The following SUV39H1 variants were observed in gnomAD, a reference collection of about 807,000 sequenced individuals.
The protein encoded by SUV39H1 is SUV39H1 histone lysine methyltransferase.
For missense variants in SUV39H1, 180 were observed against 386.3 expected, an observed-to-expected ratio of 0.47 and a Z score of 4.48; for synonymous variants, 141 against 150.5, an observed-to-expected ratio of 0.94 and a Z score of 0.46.
At chrX:48,700,971 A>C in intron 3 of SUV39H1, 1 of 483,246 alleles carries the variant, frequency 2.1e-6, no homozygotes, top group African/African-American at 2.3e-5. Context: ...GAACACCAAA[A>C]TACTTCTGCA....
At chrX:48,702,725 C>T (rs1392846686) in intron 3 of SUV39H1, among the ~76,000 whole-genome samples, 3 of 110,949 alleles carry the variant, frequency 2.7e-5, no homozygotes, top group Non-Finnish European at 5.7e-5. Context: ...GCTGCTCTTC[C>T]TTAGTGTCAG....
At chrX:48,696,323 G>A (rs1557008545), upstream of SUV39H1, among the ~76,000 whole-genome samples, 1 of 112,397 alleles carries the variant, frequency 8.9e-6, no homozygotes, top group Non-Finnish European at 1.9e-5. Flanking sequence ...AGTCTGACTA[G>A]GCACCTGTCT....
At position 48,698,953 on chromosome X, in the gene SUV39H1, G is replaced by A. The variant is rs1557009027; in HGVS notation, c.71G>A (p.Arg24His). 1.7e-6 allele frequency: 2 copies of A among 1,208,030 alleles called. No homozygotes were observed. Among genetic ancestry groups the A allele is most frequent in the African/African-American group, 1.8e-5 (1 of 57,066 alleles). ...TGGAATCAGCTGCAGGACCTGTGCC[G>A]CCTGGCCAAGCTCTCCTGCCCTGCC... The part of the protein sequence containing the change: ...SSWNQLQDLC[R>H]LAKLSCPALG... The change falls in exon 2 of 6, where the codon CGC (arginine) becomes CAC (histidine). Residue 24 changes from arginine (R) to histidine (H), a missense_variant. By Grantham distance (29) the Arg-to-His change is conservative (BLOSUM62 0). Coordinates refer to ENST00000376687, the MANE Select transcript of SUV39H1 (RefSeq NM_003173.4).
At chrX:48,695,593 G>A, upstream of SUV39H1, 1 of 1,082,904 alleles carries the variant, frequency 9.2e-7, no homozygotes, top group Non-Finnish European at 1.2e-6. Context: ...GCATGCTGGA[G>A]GGCCTGGCTG....
At chrX:48,696,684 C>A (rs1602183189), upstream of SUV39H1, 3 of 1,061,055 alleles carry the variant, frequency 2.8e-6, no homozygotes, top group African/African-American at 4.0e-5. Flanking sequence ...TGCTGCGAGT[C>A]GGGAGCCGCG....
rs141290793 is a variant in SUV39H1 at position 48,700,687 on chromosome X, T to C, written c.762T>C (p.Arg254=). 1,223 of 1,210,614 alleles carry C rather than the reference T, an allele frequency of 1.0e-3. 9 individuals carry two copies. The African/African-American group carries it at 0.018, about 18-fold the overall frequency. ...GCATCTTCCGCACGGATGATGGGCG[T>C]GGCTGGGGCGTCCGCACCCTGGAGA... ...DLCIFRTDDG[R]GWGVRTLEKI... The change falls in exon 3 of 6, where the codon CGT becomes CGC. Residue 254 remains arginine, a synonymous_variant. Transcript: ENST00000376687.
intron 2 of SUV39H1, among the ~76,000 whole-genome samples, chrX:48,699,844 G>A (rs782358005): frequency 1.8e-5 from 2 of 111,602 alleles, no homozygotes; most frequent in Non-Finnish European, 3.8e-5. Context: ...CCAAGGAGAG[G>A]AGTGGGTTTG....
chrX:48,695,790 T>C (rs1279285201), upstream of SUV39H1: 2 of 1,154,676 alleles, frequency 1.7e-6, no homozygotes, highest in Non-Finnish European at 2.3e-6. Context: ...AATCTCAGCT[T>C]CAACGCATCA....
chrX:48,699,582 A>C (rs1475928611), intron 2 of SUV39H1, among the ~76,000 whole-genome samples: 6 of 111,715 alleles, frequency 5.4e-5, no homozygotes, highest in Non-Finnish European at 1.1e-4. Context: ...CATCTACCTC[A>C]TGTGGGGTTG....
intron 3 of SUV39H1, among the ~76,000 whole-genome samples, chrX:48,702,990 A>C (rs1557009612): frequency 8.9e-6 from 1 of 112,002 alleles, no homozygotes; most frequent in East Asian, 2.8e-4. Flanking sequence ...TCCACTACTC[A>C]TCAGCAATCA....
chrX:48,697,949 G>A (rs1451423744), intron 1 of SUV39H1, among the ~76,000 whole-genome samples: 1 of 112,282 alleles, frequency 8.9e-6, no homozygotes, highest in Non-Finnish European at 1.9e-5. Context: ...ACCGCTTTGC[G>A]TATAAATTCA....
At chrX:48,696,878 GGGCCCCGGCGTCCGAGGCCCC>G (rs1414213226) in intron 1 of SUV39H1, 75 bp downstream of exon 1, 10 of 853,021 alleles carry the variant, frequency 1.2e-5, no homozygotes, top group Admixed American at 6.2e-5. Context: ...TGCCGGCTCG[GGGCCCCGGCGTCCGAGGCCCC>G]GGCGCCGGGA....
rs1264639781 is a variant in SUV39H1 at position 48,708,007 on chromosome X, T to G, written c.*437T>G. 4.2e-6 allele frequency: 1 copy of G among 238,873 alleles called. No individual in the cohort carries two copies. Among genetic ancestry groups the G allele is most frequent in the African/African-American group, 2.9e-5 (1 of 34,322 alleles). 19.7% of individuals were successfully genotyped at this position (238,873 alleles called of 1,213,427 possible). A position where few individuals can be genotyped will look rare whatever the true frequency, so the allele number is the denominator to read the frequency against. ...GAAGCAACCCCAGAGCAGGCAGACA[T>G]CAGAGGCCAGAGTGCCTAGCCCGAC... On this transcript the variant is annotated 3_prime_UTR_variant, in exon 6 of 6. Coordinates refer to ENST00000376687, the MANE Select transcript of SUV39H1 (RefSeq NM_003173.4).
chrX:48,706,299 A>G lies in SUV39H1; in HGVS notation c.863A>G (p.Gln288Arg). Residue 288 changes from glutamine (Q) to arginine (R), a missense_variant, in exon 4 of 6, where the codon CAG becomes CGG. By Grantham distance (43) the Gln-to-Arg change is conservative. Transcript: ENST00000376687. ...ITSEEAERRG[Q>R]IYDRQGATYL... The stretch of plus-strand genomic sequence containing the variant: ...TCAGAGGAGGCAGAGCGGCGGGGCC[A>G]GATCTACGACCGTCAGGGCGCCACC... The G allele has an allele frequency of 8.3e-7, 1 of 1,211,471 alleles. No homozygotes were observed. The highest frequency in any genetic ancestry group is 1.1e-6 in the Non-Finnish European group (1 of 895,173).
At chrX:48,696,682 G>A, upstream of SUV39H1, 1 of 1,064,467 alleles carries the variant, frequency 9.4e-7, no homozygotes, top group South Asian at 2.1e-5. Context: ...GGTGCTGCGA[G>A]TCGGGAGCCG....
At position 48,707,742 on chromosome X, in the gene SUV39H1, C is replaced by T; in HGVS notation, c.*172C>T. 2 of 578,196 alleles carry T rather than the reference C, an allele frequency of 3.5e-6. No homozygotes were observed. Among genetic ancestry groups the T allele is most frequent in the Non-Finnish European group, 5.7e-6 (2 of 349,404 alleles). The allele number at this position is 578,196 out of a possible 1,213,427, so 47.6% of individuals were successfully genotyped here. On this transcript the variant is annotated 3_prime_UTR_variant, in exon 6 of 6. Coordinates refer to ENST00000376687, the MANE Select transcript of SUV39H1 (RefSeq NM_003173.4). ...CTGTGGCCGTGGTGAGGACCGACTC[C>T]AGGAGTCCCCTTTCCCTGTCCCAGC...
At chrX:48,697,980 G>A (rs1475897476) in intron 1 of SUV39H1, among the ~76,000 whole-genome samples, 1 of 112,317 alleles carries the variant, frequency 8.9e-6, no homozygotes, top group Admixed American at 9.4e-5. Context: ...CTTTGGATGA[G>A]CTTTACTCTT....
chrX:48,706,146 C>T, intron 3 of SUV39H1, 119 bp from the exon 4 acceptor site: 1 of 967,497 alleles, frequency 1.0e-6, no homozygotes, highest in Non-Finnish European at 1.4e-6. Flanking sequence ...TGCGTCACTG[C>T]CCATGTGTGT....
chrX:48,700,142 A>T lies in SUV39H1; in HGVS notation c.217A>T (p.Thr73Ser). Residue 73 changes from threonine (T) to serine (S), a missense_variant, in exon 3 of 6, where the codon ACC (threonine) becomes TCC (serine). Thr to Ser is a moderately conservative substitution (Grantham distance 58). Coordinates refer to ENST00000376687, the MANE Select transcript of SUV39H1 (RefSeq NM_003173.4). ...GCGTGGATATCCAGACTCAGAGAGC[A>T]CCTGGGAGCCACGGCAGAATCTCAA... ...KWRGYPDSES[T>S]WEPRQNLKCV... 1 of 1,196,849 alleles carries T rather than the reference A, an allele frequency of 8.4e-7. No individual in the cohort carries two copies. The highest frequency in any genetic ancestry group is 1.1e-6 in the Non-Finnish European group (1 of 887,845).
Sources: gnomAD v4.1 joint callset for allele counts (sites outside exome capture counted in the v4.1 genomes callset) on GRCh38, gnomAD v4.1.1 for gene constraint, MANE v1.5 for transcripts, NCBI Gene and HGNC (gene_info 2026-07-23, HGNC 2026-07-21) for gene names.